ASZ1: variants seen among roughly 807,000 people sequenced by gnomAD.
ASZ1 encodes ankyrin repeat, SAM and basic leucine zipper domain-containing protein 1.
ASZ1 carries 67 observed loss-of-function variants against 61.8 expected under a neutral mutation model. The ratio of observed to expected loss-of-function variants is 1.08; its 90% confidence interval spans 0.89 to 1.33. The LOEUF (loss-of-function observed/expected upper bound fraction) is 1.33, where lower values mean the gene tolerates loss of function less well. Among genes scored for constraint, ASZ1 ranks in the 40% most tolerant of loss-of-function variants. The pLI is 0.00. For synonymous variants in ASZ1, 193 were observed against 192.7 expected (o/e 1.00, Z -0.01); for missense variants, 577 against 554.5 (o/e 1.04, Z -0.41).
At chr7:117,401,381 GT>G (rs10709348) in intron 4 of ASZ1, among the ~76,000 whole-genome samples, 68,562 of 144,496 alleles carry the variant, frequency 0.47, 16,796 homozygotes, top group African/African-American at 0.64. Flanking sequence ...TAGCAAAGCT[GT>G]TTTTTTTTTT....
chr7:117,379,137 AT>A (rs1202087982), intron 10 of ASZ1, among the ~76,000 whole-genome samples: 10 of 91,770 alleles, frequency 1.1e-4, no homozygotes, highest in African/African-American at 4.5e-4. Flanking sequence ...ATAAAATTAT[AT>A]ATATATATAT....
chr7:117,377,862 A>G (rs771562414), intron 10 of ASZ1, among the ~76,000 whole-genome samples: 11 of 152,140 alleles, frequency 7.2e-5, no homozygotes, highest in Non-Finnish European at 1.5e-4. Context: ...AACCCAGAAT[A>G]GAGAACCCAG....
intron 4 of ASZ1, among the ~76,000 whole-genome samples, chr7:117,414,485 A>G (rs753502496): frequency 6.6e-6 from 1 of 152,128 alleles, no homozygotes; most frequent in Admixed American, 6.5e-5. Flanking sequence ...TAAAAATTTA[A>G]TTATTTATTT....
chr7:117,405,517 T>C (rs1203935038), intron 4 of ASZ1, among the ~76,000 whole-genome samples: 1 of 152,190 alleles, frequency 6.6e-6, no homozygotes, highest in Non-Finnish European at 1.5e-5. Context: ...TCCAGACCTT[T>C]TGATGTTATG....
Position 117,368,688 on chromosome 7 carries a change from T to G in ASZ1, c.1085A>C (p.Lys362Thr). 1 of 1,612,786 alleles carries G rather than the reference T, an allele frequency of 6.2e-7. No individual in the cohort carries two copies. The highest frequency in any genetic ancestry group is 8.5e-7 in the Non-Finnish European group (1 of 1,179,402). ...TAAATGGCCACACTGTTTATTTAATTTGAGAAGAAAGTTGAGGAACTCATC... is the reference window on the plus strand; with the variant it reads ...TAAATGGCCACACTGTTTATTTAATGTGAGAAGAAAGTTGAGGAACTCATC... ...SGDEFLNFLL[K>T]LNKQCGHLIT... is the part of the protein sequence containing the mutation. Residue 362 changes from lysine (K) to threonine (T), a missense_variant, in exon 11 of 13, where the codon AAA (lysine) becomes ACA (threonine). Coordinates refer to ENST00000284629, the MANE Select transcript of ASZ1 (RefSeq NM_130768.3).
chr7:117,400,907 C>T (rs535949648), intron 4 of ASZ1, among the ~76,000 whole-genome samples: 23 of 152,262 alleles, frequency 1.5e-4, no homozygotes, highest in African/African-American at 5.1e-4. Flanking sequence ...ATTTAATTGA[C>T]GTGATCTGCC....
chr7:117,374,857 G>A (rs983812552), intron 10 of ASZ1, among the ~76,000 whole-genome samples: 1 of 152,030 alleles, frequency 6.6e-6, no homozygotes, highest in African/African-American at 2.4e-5. Flanking sequence ...TAGTCCCTGT[G>A]ATAATGGTTA....
chr7:117,424,413 A>G, intron 2 of ASZ1, among the ~76,000 whole-genome samples: 1 of 152,248 alleles, frequency 6.6e-6, no homozygotes, highest in Non-Finnish European at 1.5e-5. Flanking sequence ...TTAACCTGTG[A>G]AAGTGAGGCA....
intron 10 of ASZ1, 60 bp downstream of exon 10, chr7:117,379,878 C>T (rs2116464471): frequency 8.9e-7 from 1 of 1,119,862 alleles, no homozygotes; most frequent in East Asian, 2.7e-5. Flanking sequence ...GAAAATTAAA[C>T]TAAAAAGAAC....
intron 10 of ASZ1, among the ~76,000 whole-genome samples, chr7:117,379,348 A>C (rs1461056244): frequency 6.6e-6 from 1 of 151,452 alleles, no homozygotes; most frequent in African/African-American, 2.4e-5. Context: ...TATCTTTGAA[A>C]TATCCCAATA....
intron 4 of ASZ1, among the ~76,000 whole-genome samples, chr7:117,399,615 A>C (rs1050578216): frequency 6.6e-6 from 1 of 151,658 alleles, no homozygotes; most frequent in Admixed American, 6.6e-5. Flanking sequence ...TTTACATTCA[A>C]GAGTTGGCTA....
rs1796344502 is a variant in ASZ1 at position 117,385,804 on chromosome 7, A to G, written c.446T>C (p.Leu149Pro). ...AGCAGCATACATGATTGGGGTCATA[A>G]GTCTCCTAAGGAGGAGGAAGAAAGG... ...NADPNVACRR[L>P]MTPIMYAARD... Residue 149 changes from leucine (L) to proline (P), a missense_variant, in exon 5 of 13, where the codon CTT (leucine) becomes CCT (proline). By Grantham distance (98) the Leu-to-Pro change is moderately conservative. Transcript: ENST00000284629. 6.2e-7 allele frequency: 1 copy of G among 1,609,844 alleles called. No homozygotes were observed. The highest frequency in any genetic ancestry group is 1.7e-5 in the Admixed American group (1 of 59,860).
At chr7:117,400,099 C>T (rs888269226) in intron 4 of ASZ1, among the ~76,000 whole-genome samples, 1 of 152,120 alleles carries the variant, frequency 6.6e-6, no homozygotes, top group African/African-American at 2.4e-5. Context: ...CGTCTCTGTA[C>T]TGGGGTAAAA....
intron 4 of ASZ1, among the ~76,000 whole-genome samples, chr7:117,404,628 T>G (rs10953842): frequency 0.92 from 139,960 of 152,088 alleles, 64,593 homozygotes; most frequent in East Asian, 1. Flanking sequence ...CCAATTCACT[T>G]TTGGGATCGT....
intron 4 of ASZ1, among the ~76,000 whole-genome samples, chr7:117,411,584 A>T (rs961224580): frequency 6.6e-6 from 1 of 151,812 alleles, no homozygotes; most frequent in African/African-American, 2.4e-5. Context: ...AACTTGCAAG[A>T]TTTTAAATGT....
chr7:117,368,580 CT>C, intron 11 of ASZ1, 31 bp downstream of exon 11: 1 of 1,602,098 alleles, frequency 6.2e-7, no homozygotes, highest in East Asian at 2.2e-5. Context: ...AGTGTTCATA[CT>C]TTTCTTCACT....
rs201725655 is a variant in ASZ1 at position 117,378,079 on chromosome 7, T to TC, written c.1055+1858dup. Among the ~76,000 whole-genome samples the TC allele has an allele frequency of 8.0e-4, 121 of 152,056 alleles. 2 individuals are homozygous for TC. The East Asian group carries it at 0.022, about 28-fold the overall frequency. On this transcript the variant is annotated intron_variant, in intron 10 of 12. Transcript: ENST00000284629. ...GACTTAAATGTAAAACTATAAAACT[T>TC]CTGGGAAAAAAGCACAGGAGAAAAT...
At chr7:117,419,509 G>A (rs910736148) in intron 4 of ASZ1, among the ~76,000 whole-genome samples, 2 of 152,108 alleles carry the variant, frequency 1.3e-5, no homozygotes, top group Non-Finnish European at 2.9e-5. Context: ...ATTTTTGTTA[G>A]ATGGGCTACT....
intron 4 of ASZ1, among the ~76,000 whole-genome samples, chr7:117,418,743 C>T (rs1355053418): frequency 4.6e-5 from 7 of 151,774 alleles, no homozygotes; most frequent in Non-Finnish European, 1.0e-4. Context: ...AGGCAGATTG[C>T]TTGAGCCCTG....
Sources: allele counts gnomAD v4.1 joint callset (sites outside exome capture counted in the v4.1 genomes callset), GRCh38; gene constraint gnomAD v4.1.1; transcripts MANE v1.5; gene names NCBI Gene and HGNC (gene_info 2026-07-23, HGNC 2026-07-21).